Variants in PDE6A observed in about 807,000 individuals in gnomAD.
PDE6A encodes phosphodiesterase 6A.
Under a neutral mutation model 106.3 loss-of-function variants are expected in PDE6A, and 84 were observed. That is an observed-to-expected ratio of 0.79 (90% CI 0.66 to 0.95). The LOEUF is 0.95. Among genes scored for constraint, PDE6A ranks in the 40% least tolerant of loss-of-function variants. The pLI, the probability that PDE6A is intolerant of heterozygous loss-of-function variation, is 0.00. For missense variants in PDE6A, 1,052 were observed against 1,084.9 expected (o/e 0.97, Z 0.43); for synonymous variants, 394 against 386.6 (o/e 1.02, Z -0.23).
chr5:149,917,153 TG>T (rs1214596972), intron 5 of PDE6A, among the ~76,000 whole-genome samples: 3 of 152,070 alleles, frequency 2.0e-5, no homozygotes, highest in Non-Finnish European at 2.9e-5. Context: ...TATACAATTT[TG>T]TTTTTCTAGG....
chr5:149,901,530 A>AAAAAAC (rs1166148988), intron 8 of PDE6A, among the ~76,000 whole-genome samples: 1 of 152,198 alleles, frequency 6.6e-6, no homozygotes, highest in African/African-American at 2.4e-5. Context: ...CTCCATCTCA[A>AAAAAAC]AAAAACAAAA....
At chr5:149,895,037 C>T in intron 13 of PDE6A, 146 bp downstream of exon 13, 2 of 669,088 alleles carry the variant, frequency 3.0e-6, no homozygotes, top group African/African-American at 1.8e-5. Context: ...AATCCTTTTA[C>T]ACTAAGCCCG....
intron 16 of PDE6A, 119 bp downstream of exon 16, chr5:149,884,360 A>G: frequency 4.3e-6 from 3 of 696,378 alleles, no homozygotes; most frequent in South Asian, 3.2e-5. Context: ...ATATATGTGT[A>G]TATATGTATA....
At position 149,903,650 on chromosome 5, in the gene PDE6A, G is replaced by C; in HGVS notation, c.1111C>G (p.Gln371Glu). ...ACTGCAAATAAAAAATGACTTACCT[G>C]AAATGCAAAAAAGTCCTCCGCAGGC... ...NAPAEDFFAF[Q>E]KEPLDESGWM... Residue 371 changes from glutamine to glutamate, a missense_variant and splice_region_variant, in exon 8 of 22, where the codon CAG becomes GAG. By Grantham distance (29) the Gln-to-Glu change is conservative. Around this residue, in one of 3 missense-constraint regions of PDE6A, gnomAD observed 913 missense variants for 915.2 expected, o/e 1.00. Transcript: ENST00000255266. The C allele has an allele frequency of 6.2e-7, 1 of 1,612,548 alleles. No homozygotes were observed. Among genetic ancestry groups the C allele is most frequent in the Non-Finnish European group, 8.5e-7 (1 of 1,178,606 alleles).
chr5:149,900,425 G>T (rs1228644008), intron 8 of PDE6A, among the ~76,000 whole-genome samples: 2 of 110,760 alleles, frequency 1.8e-5, no homozygotes, highest in South Asian at 3.4e-4. Context: ...CATTTAGAAT[G>T]TGCAAGAAAC....
intron 4 of PDE6A, among the ~76,000 whole-genome samples, chr5:149,925,888 A>G (rs138622739): frequency 2.6e-5 from 4 of 152,172 alleles, no homozygotes; most frequent in Admixed American, 2.0e-4. Flanking sequence ...ACCAGATATC[A>G]TGATATTTTA....
At chr5:149,888,506 T>A (rs1157696130) in intron 13 of PDE6A, among the ~76,000 whole-genome samples, 1 of 147,378 alleles carries the variant, frequency 6.8e-6, no homozygotes, top group African/African-American at 2.5e-5. Flanking sequence ...TAATAACTAA[T>A]AATTAATATA....
intron 2 of PDE6A, 63 bp downstream of exon 2, chr5:149,934,503 G>C: frequency 6.4e-7 from 1 of 1,553,038 alleles, no homozygotes; most frequent in Non-Finnish European, 8.9e-7. Context: ...CAAAGTTCAG[G>C]GGACTTCATA....
intron 5 of PDE6A, among the ~76,000 whole-genome samples, chr5:149,919,638 A>T (rs986818750): frequency 6.6e-6 from 1 of 152,228 alleles, no homozygotes; most frequent in East Asian, 1.9e-4. Flanking sequence ...TATCTCAGTC[A>T]AAGTCTTTAA....
At chr5:149,904,846 A>G (rs1423097122) in intron 7 of PDE6A, among the ~76,000 whole-genome samples, 2 of 152,092 alleles carry the variant, frequency 1.3e-5, no homozygotes, top group African/African-American at 2.4e-5. Flanking sequence ...TGTCTCTCTC[A>G]TGCTTGAAAA....
intron 14 of PDE6A, among the ~76,000 whole-genome samples, chr5:149,885,878 C>T (rs939025987): frequency 3.3e-5 from 5 of 152,200 alleles, no homozygotes; most frequent in African/African-American, 4.8e-5. Flanking sequence ...TGCTTGTAGG[C>T]CATGCCTCCA....
chr5:149,899,536 G>A lies in PDE6A; in HGVS notation c.1114-12C>T, dbSNP rs980711923. The A allele has an allele frequency of 2.5e-6, 4 of 1,613,684 alleles. No individual in the cohort carries two copies. Among genetic ancestry groups the A allele is most frequent in the South Asian group, 1.1e-5 (1 of 91,078 alleles). ...TCCAGAGGTTCTTTCTACAAGAGAA[G>A]GGCTAGATTAGGTTTCCTCTTGTTT... On this transcript the variant is annotated splice_polypyrimidine_tract_variant and intron_variant, in intron 8 of 21. Transcript: ENST00000255266.
intron 6 of PDE6A, among the ~76,000 whole-genome samples, chr5:149,910,874 CTTT>C (rs386405293): frequency 3.0e-4 from 26 of 87,142 alleles, no homozygotes; most frequent in Admixed American, 1.6e-4. Context: ...TTTCTTTTTC[CTTT>C]TTTTTTTTTT....
intron 21 of PDE6A, among the ~76,000 whole-genome samples, chr5:149,861,795 G>T (rs1760154987): frequency 6.6e-6 from 1 of 152,154 alleles, no homozygotes. Flanking sequence ...AGAAAAAAAT[G>T]TAAGCCAAAT....
intron 13 of PDE6A, among the ~76,000 whole-genome samples, chr5:149,889,417 T>TTTA (rs1752456852): frequency 2.0e-5 from 3 of 151,876 alleles, no homozygotes; most frequent in Admixed American, 1.3e-4. Flanking sequence ...CTTTCTGTAT[T>TTTA]TTTATTTATT....
chr5:149,872,339 C>T (rs1297766807), intron 17 of PDE6A, among the ~76,000 whole-genome samples: 5 of 152,192 alleles, frequency 3.3e-5, no homozygotes, highest in Admixed American at 2.6e-4. Flanking sequence ...TGTAATATAT[C>T]CTTTTTAAGA....
intron 17 of PDE6A, among the ~76,000 whole-genome samples, chr5:149,875,473 T>C (rs979780282): frequency 1.6e-4 from 25 of 151,568 alleles, no homozygotes; most frequent in African/African-American, 4.6e-4. Context: ...TATAGCACAT[T>C]ATACATACTG....
rs1442144232 is a variant in PDE6A at position 149,944,718 on chromosome 5, G to C, written c.-45C>G. 6.6e-7 allele frequency: 1 copy of C among 1,516,928 alleles called. No homozygotes were observed. Among genetic ancestry groups the C allele is most frequent in the Non-Finnish European group, 9.0e-7 (1 of 1,114,618 alleles). 94.0% of individuals were successfully genotyped at this position (1,516,928 alleles called of 1,614,324 possible). On this transcript the variant is annotated 5_prime_UTR_variant, in exon 1 of 22. Transcript: ENST00000255266. ...TACTCTGTAGAAGGACTGGGACGGAGGCCTTCCAATGGCAGTTTTGCAGTC... is the reference window on the plus strand; with the variant it reads ...TACTCTGTAGAAGGACTGGGACGGACGCCTTCCAATGGCAGTTTTGCAGTC...
chr5:149,907,447 G>C, intron 6 of PDE6A, 69 bp from the exon 7 acceptor site: 1 of 1,255,234 alleles, frequency 8.0e-7, no homozygotes, highest in Middle Eastern at 1.9e-4. Context: ...TAAAATCTGG[G>C]TGTTTGCGCT....
Sources: allele counts gnomAD v4.1 joint callset (sites outside exome capture counted in the v4.1 genomes callset), GRCh38; gene constraint gnomAD v4.1.1; regional missense constraint gnomAD v4.1.1; transcripts MANE v1.5; gene names NCBI Gene and HGNC (gene_info 2026-07-23, HGNC 2026-07-21).